The following NBEA variants were observed in gnomAD, a reference collection of about 807,000 sequenced individuals.
NBEA encodes the protein neurobeachin.
In NBEA, 44 loss-of-function variants were observed where a neutral mutation model predicts 343.4. The observed-to-expected ratio is 0.13, with a 90% confidence interval of 0.10 to 0.16. The LOEUF is 0.16. Among genes scored for constraint, NBEA ranks in the 10% least tolerant of loss-of-function variants. The pLI is 1.00. For missense variants in NBEA, 2,555 were observed against 3,631.3 expected (o/e 0.70, Z 7.62); for synonymous variants, 1,175 against 1,238.7 (o/e 0.95, Z 1.08).
At chr13:35,665,645 A>G (rs1485714616) in intron 56 of NBEA, among the ~76,000 whole-genome samples, 1 of 152,026 alleles carries the variant, frequency 6.6e-6, no homozygotes, top group African/African-American at 2.4e-5. Flanking sequence ...TTTGTTTTTG[A>G]GGCATACCTT....
chr13:35,387,594 A>G (rs767369214), intron 38 of NBEA, among the ~76,000 whole-genome samples: 1 of 152,162 alleles, frequency 6.6e-6, no homozygotes, highest in Non-Finnish European at 1.5e-5. Flanking sequence ...CAGCACAGGA[A>G]AACAGGCTTA....
At chr13:35,550,812 A>G (rs1382277273) in intron 42 of NBEA, 118 bp from the exon 43 acceptor site, 8 of 681,022 alleles carry the variant, frequency 1.2e-5, no homozygotes, top group Non-Finnish European at 1.5e-5. Flanking sequence ...CTGATTTTTC[A>G]TGAAGATTCA....
intron 38 of NBEA, among the ~76,000 whole-genome samples, chr13:35,408,228 T>C: frequency 6.6e-6 from 1 of 152,162 alleles, no homozygotes; most frequent in East Asian, 1.9e-4. Context: ...ATTTGATCTT[T>C]GATGAACCTG....
Position 35,569,412 on chromosome 13 carries a change from T to C in NBEA, c.7035+2395T>C, listed in dbSNP as rs550826797. Among the ~76,000 whole-genome samples, 99 of 152,336 alleles carry C rather than the reference T, an allele frequency of 6.5e-4. 1 individual carries two copies. Among genetic ancestry groups the C allele is most frequent in the Middle Eastern group, 3.4e-3 (1 of 294 alleles). ...TCAGAGTATAGATTCTCAGGTAGCATATTACAACCTCGTACGATGACTACT... is the reference window on the plus strand; with the variant it reads ...TCAGAGTATAGATTCTCAGGTAGCACATTACAACCTCGTACGATGACTACT... On this transcript the variant is annotated intron_variant, in intron 45 of 58. Coordinates refer to ENST00000379939, the MANE Select transcript of NBEA (RefSeq NM_001385012.1).
chr13:35,476,507 G>A, intron 41 of NBEA: 1 of 667,182 alleles, frequency 1.5e-6, no homozygotes, highest in Non-Finnish European at 2.6e-6. Context: ...CAAAAGTTGC[G>A]CTGAGACCCA....
chr13:34,970,601 C>A (rs2059967759), intron 1 of NBEA, among the ~76,000 whole-genome samples: 2 of 152,140 alleles, frequency 1.3e-5, no homozygotes, highest in African/African-American at 4.8e-5. Context: ...CTGCATATGG[C>A]TAGCTAGTTA....
At chr13:35,146,637 C>G (rs950133579) in intron 18 of NBEA, among the ~76,000 whole-genome samples, 9 of 152,058 alleles carry the variant, frequency 5.9e-5, no homozygotes, top group African/African-American at 1.9e-4. Context: ...TGTCACAGCT[C>G]CCCACACTTG....
intron 1 of NBEA, among the ~76,000 whole-genome samples, chr13:34,967,369 A>C (rs541210262): frequency 6.6e-6 from 1 of 151,880 alleles, no homozygotes; most frequent in East Asian, 1.9e-4. Flanking sequence ...TAAAAAAGCA[A>C]AACTGAGACC....
intron 10 of NBEA, among the ~76,000 whole-genome samples, chr13:35,076,589 CTTGTT>C (rs1313613732): frequency 1.3e-5 from 2 of 151,778 alleles, no homozygotes; most frequent in Non-Finnish European, 2.9e-5. Context: ...TTTTCTTTGT[CTTGTT>C]ACAAGGTTTA....
At chr13:35,541,099 T>G (rs1488695823) in intron 41 of NBEA, among the ~76,000 whole-genome samples, 1 of 152,184 alleles carries the variant, frequency 6.6e-6, no homozygotes, top group East Asian at 1.9e-4. Context: ...CACATCCTGC[T>G]GCCCACTCAC....
chr13:35,262,890 G>A (rs949413113), intron 34 of NBEA, among the ~76,000 whole-genome samples: 3 of 152,168 alleles, frequency 2.0e-5, no homozygotes, highest in African/African-American at 7.2e-5. Context: ...GTTTACGTCA[G>A]TCCTACCCAA....
intron 34 of NBEA, among the ~76,000 whole-genome samples, chr13:35,282,321 A>C (rs1055712645): frequency 1.2e-4 from 19 of 152,188 alleles, no homozygotes; most frequent in African/African-American, 2.4e-5. Context: ...TCTTTTGATT[A>C]TTAATATTTC....
chr13:35,462,527 G>A (rs1441558424), intron 40 of NBEA, among the ~76,000 whole-genome samples: 5 of 152,156 alleles, frequency 3.3e-5, no homozygotes, highest in East Asian at 1.9e-4. Context: ...ACTGACAAGC[G>A]CTTGGGGAGG....
intron 36 of NBEA, among the ~76,000 whole-genome samples, chr13:35,317,185 CATGCCT>C (rs1483240754): frequency 6.6e-6 from 1 of 152,154 alleles, no homozygotes; most frequent in African/African-American, 2.4e-5. Context: ...AGTCTTTGCC[CATGCCT>C]ATGTCCTGAA....
intron 5 of NBEA, 84 bp downstream of exon 5, chr13:35,048,768 A>AATATATGTAT: frequency 1.3e-6 from 1 of 763,268 alleles, no homozygotes; most frequent in Non-Finnish European, 2.1e-6. Context: ...ACTTAGATAG[A>AATATATGTAT]ATATATGTAT....
intron 39 of NBEA, among the ~76,000 whole-genome samples, chr13:35,445,730 C>T (rs907402376): frequency 9.0e-5 from 13 of 144,110 alleles, no homozygotes; most frequent in African/African-American, 3.1e-4. Flanking sequence ...TAAAAACACT[C>T]CAAAATTGAA....
intron 10 of NBEA, among the ~76,000 whole-genome samples, chr13:35,090,513 T>C (rs544084648): frequency 6.6e-6 from 1 of 152,084 alleles, no homozygotes; most frequent in Admixed American, 6.6e-5. Context: ...GTTAGAATTA[T>C]AGGTTTTGGT....
rs192976254 is a variant in NBEA, at chr13:35,627,409, C to G, written c.7450-672C>G. On this transcript the variant is annotated intron_variant, in intron 48 of 58. Coordinates refer to ENST00000379939, the MANE Select transcript of NBEA (RefSeq NM_001385012.1). Reference sequence around the variant, plus strand: ...TACCTGTCAAGACACCTCTAGGAAGCTTCTGATGGCTTCTTAGGAAATAAA... The same window carrying G: ...TACCTGTCAAGACACCTCTAGGAAGGTTCTGATGGCTTCTTAGGAAATAAA... Among the ~76,000 whole-genome samples, 16 of 152,244 alleles carry G rather than the reference C, an allele frequency of 1.1e-4. No individual in the cohort carries two copies. The East Asian group carries it at 2.9e-3, about 28-fold the overall frequency.
intron 1 of NBEA, among the ~76,000 whole-genome samples, chr13:34,977,469 C>T (rs1421627091): frequency 6.6e-6 from 1 of 151,720 alleles, no homozygotes; most frequent in Non-Finnish European, 1.5e-5. Context: ...CCACTGCACC[C>T]AGCTAATTTT....
Sources: allele counts gnomAD v4.1 joint callset (sites outside exome capture counted in the v4.1 genomes callset), GRCh38; gene constraint gnomAD v4.1.1; transcripts MANE v1.5; gene names NCBI Gene and HGNC (gene_info 2026-07-23, HGNC 2026-07-21).